Variants in FHIT observed in about 807,000 individuals in gnomAD.
The protein encoded by FHIT is bis(5'-adenosyl)-triphosphatase.
Under a neutral mutation model 17.9 loss-of-function variants are expected in FHIT, and 19 were observed. The observed-to-expected ratio is 1.06, with a 90% CI of 0.74 to 1.56. The LOEUF is 1.56. Among genes scored for constraint, FHIT ranks in the 40% most tolerant of loss-of-function variants. FHIT has a pLI of 0.00. For synonymous variants in FHIT, 81 were observed against 69.7 expected (o/e 1.16, Z -0.81); for missense variants, 248 against 189.2 (o/e 1.31, Z -1.82).
At chr3:59,752,771 G>A (rs1267121316) in intron 8 of FHIT, among the ~76,000 whole-genome samples, 2 of 152,082 alleles carry the variant, frequency 1.3e-5, no homozygotes, top group African/African-American at 2.4e-5. Flanking sequence ...CACAGAAGAC[G>A]TGCCTGCTTT....
At chr3:60,608,594 C>T (rs1160221940) in intron 4 of FHIT, among the ~76,000 whole-genome samples, 3 of 151,530 alleles carry the variant, frequency 2.0e-5, no homozygotes, top group African/African-American at 7.3e-5. Flanking sequence ...TTTTTCCCAC[C>T]AGGAAAAAAA....
chr3:61,014,479 A>T lies in FHIT; in HGVS notation c.-111+27568T>A, dbSNP rs376725254. On this transcript the variant is annotated intron_variant, in intron 3 of 9. Coordinates refer to ENST00000492590, the MANE Select transcript of FHIT (RefSeq NM_002012.4). ...GACTTCACAACTCCCTAAGCTTAAA[A>T]ATATATATACGTACATCCGGCTGGG... Among the ~76,000 whole-genome samples the T allele has an allele frequency of 3.3e-5, 5 of 151,942 alleles. No homozygotes were observed. The South Asian group carries it at 1.0e-3, about 32-fold the overall frequency.
chr3:60,016,044 T>C (rs1575892180), intron 5 of FHIT, among the ~76,000 whole-genome samples: 2 of 152,334 alleles, frequency 1.3e-5, no homozygotes, highest in Non-Finnish European at 2.9e-5. Context: ...ATTTGGAGCC[T>C]CTTAGGCCTT....
intron 3 of FHIT, among the ~76,000 whole-genome samples, chr3:60,880,703 G>C (rs190334555): frequency 6.6e-6 from 1 of 152,242 alleles, no homozygotes; most frequent in East Asian, 1.9e-4. Flanking sequence ...TTGCATTCCA[G>C]CCTGGGCAAC....
At chr3:60,154,413 C>G (rs1700595072) in intron 5 of FHIT, among the ~76,000 whole-genome samples, 2 of 152,178 alleles carry the variant, frequency 1.3e-5, no homozygotes, top group Non-Finnish European at 2.9e-5. Flanking sequence ...CATGAAAGGT[C>G]ATTCCAGTTT....
intron 5 of FHIT, among the ~76,000 whole-genome samples, chr3:60,513,302 T>G (rs900649209): frequency 6.6e-6 from 1 of 152,188 alleles, no homozygotes; most frequent in African/African-American, 2.4e-5. Flanking sequence ...TCTATTTACT[T>G]TTATTCTGAA....
chr3:60,116,310 G>C (rs1019600694), intron 5 of FHIT, among the ~76,000 whole-genome samples: 1 of 152,132 alleles, frequency 6.6e-6, no homozygotes, highest in African/African-American at 2.4e-5. Context: ...GGAAAAGGTG[G>C]TGTGTAACTT....
intron 2 of FHIT, among the ~76,000 whole-genome samples, chr3:61,159,666 G>T (rs2037631594): frequency 6.6e-6 from 1 of 152,176 alleles, no homozygotes; most frequent in African/African-American, 2.4e-5. Flanking sequence ...CACAATATAA[G>T]ACATGATTTC....
intron 4 of FHIT, among the ~76,000 whole-genome samples, chr3:60,747,019 G>T (rs1553715519): frequency 1.3e-4 from 20 of 151,418 alleles, no homozygotes. Flanking sequence ...ACAGTAGAAA[G>T]AACTGAAAAA....
At chr3:60,455,020 A>G (rs2031998643) in intron 5 of FHIT, among the ~76,000 whole-genome samples, 1 of 152,120 alleles carries the variant, frequency 6.6e-6, no homozygotes, top group African/African-American at 2.4e-5. Context: ...TTTAGTGACT[A>G]TATTATAGTA....
intron 5 of FHIT, among the ~76,000 whole-genome samples, chr3:60,332,845 C>A (rs1281081845): frequency 2.0e-5 from 3 of 152,180 alleles, no homozygotes; most frequent in Admixed American, 1.3e-4. Flanking sequence ...GATGCTATCA[C>A]AGCCAACTCA....
intron 5 of FHIT, among the ~76,000 whole-genome samples, chr3:60,255,434 G>C (rs1200172661): frequency 6.6e-6 from 1 of 152,080 alleles, no homozygotes; most frequent in African/African-American, 2.4e-5. Context: ...AACGAGTAAA[G>C]TAGACTTGCT....
intron 5 of FHIT, among the ~76,000 whole-genome samples, chr3:60,123,456 C>G (rs1287311959): frequency 6.6e-6 from 1 of 152,050 alleles, no homozygotes; most frequent in Non-Finnish European, 1.5e-5. Flanking sequence ...ACTGAGTAAC[C>G]TCAATAAATA....
chr3:60,528,443 A>G (rs1234945490), intron 5 of FHIT, among the ~76,000 whole-genome samples: 1 of 150,472 alleles, frequency 6.6e-6, no homozygotes, highest in Non-Finnish European at 1.5e-5. Context: ...GGAAAAAAGG[A>G]AGGAAGGAAG....
At chr3:61,228,652 A>T (rs1053426817) in intron 1 of FHIT, among the ~76,000 whole-genome samples, 2 of 152,198 alleles carry the variant, frequency 1.3e-5, no homozygotes, top group Non-Finnish European at 2.9e-5. Flanking sequence ...TGCTTCCCCT[A>T]CATCTGTTAC....
At chr3:60,823,681 G>C (rs1258905880) in intron 3 of FHIT, among the ~76,000 whole-genome samples, 3 of 152,172 alleles carry the variant, frequency 2.0e-5, no homozygotes, top group Non-Finnish European at 4.4e-5. Context: ...AGAACTATGA[G>C]ACAATAAATT....
intron 5 of FHIT, chr3:60,077,501 C>G (rs1703064949): frequency 6.6e-6 from 1 of 151,402 alleles, no homozygotes; most frequent in Non-Finnish European, 1.5e-5. Context: ...TTAGAATATC[C>G]TGTGGTGCCA....
intron 2 of FHIT, among the ~76,000 whole-genome samples, chr3:61,047,432 A>G (rs2033846191): frequency 6.6e-6 from 1 of 151,802 alleles, no homozygotes; most frequent in South Asian, 2.1e-4. Context: ...AAAAGATGTG[A>G]AGAACCTCTT....
At chr3:60,196,183 G>C (rs1175045435) in intron 5 of FHIT, among the ~76,000 whole-genome samples, 1 of 152,142 alleles carries the variant, frequency 6.6e-6, no homozygotes, top group African/African-American at 2.4e-5. Context: ...GAAGTCAGAA[G>C]TCTGAAATGG....
Sources: gnomAD v4.1 joint callset for allele counts (sites outside exome capture counted in the v4.1 genomes callset) on GRCh38, gnomAD v4.1.1 for gene constraint, MANE v1.5 for transcripts, NCBI Gene and HGNC (gene_info 2026-07-23, HGNC 2026-07-21) for gene names.